SORCS1: variants seen among roughly 807,000 people sequenced by gnomAD.
The protein encoded by SORCS1 is sortilin related VPS10 domain containing receptor 1.
SORCS1 carries 60 observed loss-of-function variants against 146.1 expected under a neutral mutation model. The observed-to-expected ratio is 0.41, with a 90% CI of 0.33 to 0.51. SORCS1 has a LOEUF of 0.51. SORCS1 is among the 20% of genes least tolerant of loss of function. The pLI is 0.21. For synonymous variants in SORCS1, 637 were observed against 584.0 expected, an observed-to-expected ratio of 1.09 and a Z score of -1.31; for missense variants, 1,352 against 1,487.6, an observed-to-expected ratio of 0.91 and a Z score of 1.50.
chr10:106,918,615 G>A (rs1952559155), intron 2 of SORCS1, among the ~76,000 whole-genome samples: 1 of 152,042 alleles, frequency 6.6e-6, no homozygotes, highest in Non-Finnish European at 1.5e-5. Context: ...AGGGAGAAAG[G>A]GGGAGAAAGG....
At chr10:107,091,930 C>T (rs1208919693) in intron 1 of SORCS1, among the ~76,000 whole-genome samples, 4 of 152,162 alleles carry the variant, frequency 2.6e-5, no homozygotes, top group Non-Finnish European at 5.9e-5. Context: ...TATGAATGAG[C>T]TCCTACATAA....
At chr10:107,021,863 C>A (rs896103899) in intron 1 of SORCS1, among the ~76,000 whole-genome samples, 4 of 152,210 alleles carry the variant, frequency 2.6e-5, no homozygotes, top group Admixed American at 1.3e-4. Context: ...TTCTACTTTA[C>A]GTGATTGGTG....
intron 2 of SORCS1, among the ~76,000 whole-genome samples, chr10:106,906,295 C>T (rs968524914): frequency 1.2e-4 from 18 of 151,988 alleles, no homozygotes; most frequent in African/African-American, 3.1e-4. Flanking sequence ...TTGTATTTTT[C>T]GAAGAGACAG....
chr10:107,145,075 G>A (rs1478540366), intron 1 of SORCS1, among the ~76,000 whole-genome samples: 1 of 152,306 alleles, frequency 6.6e-6, no homozygotes. Flanking sequence ...GCAGGGGGAG[G>A]TGTAAAAGCA....
chr10:107,132,677 C>T (rs902976136), intron 1 of SORCS1, among the ~76,000 whole-genome samples: 4 of 152,152 alleles, frequency 2.6e-5, no homozygotes, highest in African/African-American at 9.7e-5. Flanking sequence ...AATCAACACA[C>T]TATTTTAAGC....
At chr10:106,966,182 A>C (rs771803065) in intron 1 of SORCS1, among the ~76,000 whole-genome samples, 3 of 152,200 alleles carry the variant, frequency 2.0e-5, no homozygotes, top group Non-Finnish European at 4.4e-5. Context: ...TTTTTGAGTT[A>C]TCAAAGGGGA....
chr10:106,957,165 G>GTTTTTTTTTTTTTT (rs374081494), intron 1 of SORCS1, among the ~76,000 whole-genome samples: 2 of 138,036 alleles, frequency 1.4e-5, no homozygotes, highest in African/African-American at 2.8e-5. Context: ...GTTTTTTTTT[G>GTTTTTTTTTTTTTT]TTTTTTTTGT....
At chr10:106,741,102 T>C (rs911964818) in intron 5 of SORCS1, among the ~76,000 whole-genome samples, 3 of 152,238 alleles carry the variant, frequency 2.0e-5, no homozygotes, top group Non-Finnish European at 4.4e-5. Context: ...AAATACCTCC[T>C]GTTACAATTA....
At chr10:107,123,596 T>A (rs1364797581) in intron 1 of SORCS1, among the ~76,000 whole-genome samples, 2 of 152,214 alleles carry the variant, frequency 1.3e-5, no homozygotes, top group African/African-American at 4.8e-5. Context: ...ATATATTGGA[T>A]AACTTTTAGA....
intron 2 of SORCS1, among the ~76,000 whole-genome samples, chr10:106,865,965 G>A (rs1387325638): frequency 2.0e-5 from 3 of 151,262 alleles, no homozygotes; most frequent in Non-Finnish European, 2.9e-5. Flanking sequence ...CCTGGGAGGC[G>A]GAAGTTGCAG....
At chr10:107,047,769 C>A (rs1959646685) in intron 1 of SORCS1, among the ~76,000 whole-genome samples, 1 of 151,932 alleles carries the variant, frequency 6.6e-6, no homozygotes, top group Admixed American at 6.6e-5. Context: ...TTTACCCAAG[C>A]CCATCTCTCA....
At chr10:106,641,026 G>A (rs527720048) in intron 18 of SORCS1, among the ~76,000 whole-genome samples, 2 of 152,314 alleles carry the variant, frequency 1.3e-5, no homozygotes, top group Non-Finnish European at 1.5e-5. Context: ...GCCACAGTGA[G>A]TCTGGGATGG....
chr10:106,678,096 T>C (rs1036961094), intron 12 of SORCS1, among the ~76,000 whole-genome samples: 7 of 152,336 alleles, frequency 4.6e-5, no homozygotes, highest in Admixed American at 1.3e-4. Context: ...CTGTATAAGA[T>C]GCATGCTGTT....
At chr10:107,122,060 C>T (rs1412252660) in intron 1 of SORCS1, among the ~76,000 whole-genome samples, 1 of 152,156 alleles carries the variant, frequency 6.6e-6, no homozygotes, top group Non-Finnish European at 1.5e-5. Flanking sequence ...GTAGATGTGA[C>T]CCTCTGTACT....
At chr10:106,940,222 A>G (rs1443671908) in intron 2 of SORCS1, among the ~76,000 whole-genome samples, 4 of 152,226 alleles carry the variant, frequency 2.6e-5, no homozygotes, top group Admixed American at 2.0e-4. Context: ...TGAGTAAACT[A>G]TATTCTGTTA....
chr10:107,058,472 A>G (rs1479476496), intron 1 of SORCS1, among the ~76,000 whole-genome samples: 1 of 152,220 alleles, frequency 6.6e-6, no homozygotes, highest in Non-Finnish European at 1.5e-5. Context: ...GTGTTAGTAT[A>G]TTATTAACAA....
At chr10:107,161,064 T>A (rs1969665978) in intron 1 of SORCS1, among the ~76,000 whole-genome samples, 1 of 152,076 alleles carries the variant, frequency 6.6e-6, no homozygotes, top group African/African-American at 2.4e-5. Context: ...GAGACTGCAG[T>A]ACAGAGGAAT....
chr10:106,611,209 T>A (rs529623012), intron 22 of SORCS1, among the ~76,000 whole-genome samples: 20 of 152,272 alleles, frequency 1.3e-4, no homozygotes, highest in Admixed American at 1.3e-3. Flanking sequence ...CTGAGAAACC[T>A]TAGGAAGCTT....
At chr10:107,086,936 G>A (rs1334339166) in intron 1 of SORCS1, among the ~76,000 whole-genome samples, 2 of 152,220 alleles carry the variant, frequency 1.3e-5, no homozygotes, top group African/African-American at 4.8e-5. Flanking sequence ...GGCTGAGGCA[G>A]GAGAATGGTG....
Sources: gnomAD v4.1 joint callset for allele counts (sites outside exome capture counted in the v4.1 genomes callset) on GRCh38, gnomAD v4.1.1 for gene constraint, MANE v1.5 for transcripts, NCBI Gene and HGNC (gene_info 2026-07-23, HGNC 2026-07-21) for gene names.